The following PYCR3 variants were observed in gnomAD, a reference collection of about 807,000 sequenced individuals.
PYCR3 encodes pyrroline-5-carboxylate reductase 3.
Under a neutral mutation model 23.4 loss-of-function variants are expected in PYCR3, and 26 were observed. The ratio of observed to expected loss-of-function variants is 1.11; its 90% confidence interval spans 0.81 to 1.54. The LOEUF is 1.54. Among genes scored for constraint, PYCR3 ranks in the 40% most tolerant of loss-of-function variants. The probability of loss-of-function intolerance (pLI) is 0.00; values close to 1 mark genes in which losing one functional copy is unlikely to be tolerated. For synonymous variants in PYCR3, 194 were observed against 162.6 expected (o/e 1.19, Z -1.47); for missense variants, 360 against 376.3 (o/e 0.96, Z 0.36).
At chr8:143,607,711 C>A (rs1829442144) in intron 2 of PYCR3, among the ~76,000 whole-genome samples, 1 of 152,162 alleles carries the variant, frequency 6.6e-6, no homozygotes, top group Non-Finnish European at 1.5e-5. Flanking sequence ...CATACATGCA[C>A]TCACCACACG....
In PYCR3 at chr8:143,605,480, C is replaced by T. The variant is rs745607611; in HGVS notation, c.*220G>A. On this transcript the variant is annotated 3_prime_UTR_variant, in exon 6 of 6. Coordinates refer to ENST00000495276, the MANE Select transcript of PYCR3 (RefSeq NM_023078.6). ...GCAGCAAGGGGCAGAGCCACCACCA[C>T]GGTGCCTTCTGCTCACTGGGGAGGG... The T allele has an allele frequency of 9.1e-5, 51 of 560,362 alleles. No individual in the cohort carries two copies. Among genetic ancestry groups the T allele is most frequent in the East Asian group, 1.4e-4 (5 of 35,386 alleles). The allele number at this position is 560,362 out of a possible 1,614,324, so 34.7% of individuals were successfully genotyped here.
rs1829345228 is a variant in PYCR3 at position 143,604,750 on chromosome 8, T to C, written c.*950A>G. ...CAATCCTGGGGGTTTGCTTCTCCCC[T>C]GAGTCCTGGCTTTCCTGACCTGCCG... On this transcript the variant is annotated 3_prime_UTR_variant, in exon 6 of 6. Transcript: ENST00000495276. 1.0e-5 allele frequency: 4 copies of C among 398,032 alleles called. No homozygotes were observed. Among genetic ancestry groups the C allele is most frequent in the South Asian group, 7.1e-5 (4 of 56,662 alleles). 24.7% of individuals were successfully genotyped at this position (398,032 alleles called of 1,614,324 possible).
At position 143,603,552 on chromosome 8, in the gene PYCR3, G is replaced by A. The variant is rs989463288; in HGVS notation, c.*2148C>T. On this transcript the variant is annotated 3_prime_UTR_variant, in exon 6 of 6. Coordinates refer to ENST00000495276, the MANE Select transcript of PYCR3 (RefSeq NM_023078.6). ...ACCTAGTGCCCAGGGCTTGTCAGAG[G>A]TCCCAGGGGGAGACAGGTGTTGGTG... Among the ~76,000 whole-genome samples the A allele has an allele frequency of 2.6e-5, 4 of 152,200 alleles. No individual in the cohort carries two copies. The highest frequency in any genetic ancestry group is 9.7e-5 in the African/African-American group (4 of 41,444).
In PYCR3 at chr8:143,603,975, A is replaced by G. The variant is rs1159390892; in HGVS notation, c.*1725T>C. The G allele has an allele frequency of 6.6e-6, 1 of 151,684 alleles. No individual in the cohort carries two copies. The highest frequency in any genetic ancestry group is 1.5e-5 in the Non-Finnish European group (1 of 67,932). The allele number at this position is 151,684 out of a possible 1,614,324, so 9.4% of individuals were successfully genotyped here. ...AGTGGCATGATCTTGGCTCTCTGCA[A>G]TCTCCGCCTCCTGGATTCAAGCAAT... is the stretch of plus-strand genomic sequence containing the variant. On this transcript the variant is annotated 3_prime_UTR_variant, in exon 6 of 6. Transcript: ENST00000495276.
At position 143,607,138 on chromosome 8, in the gene PYCR3, C is replaced by G. The variant is rs1487024558; in HGVS notation, c.157-6G>C. The G allele has an allele frequency of 6.4e-7, 1 of 1,553,170 alleles. No homozygotes were observed. The highest frequency in any genetic ancestry group is 8.7e-7 in the Non-Finnish European group (1 of 1,147,482). On this transcript the variant is annotated splice_region_variant and splice_polypyrimidine_tract_variant and intron_variant, in intron 2 of 5. Transcript: ENST00000495276. Reference sequence around the variant, plus strand: ...GTGGTCCGGCAACCCAGAGCCTGCGCCAGGGACACCAGGACCAAGCCTCAG... The same window carrying G: ...GTGGTCCGGCAACCCAGAGCCTGCGGCAGGGACACCAGGACCAAGCCTCAG...
Position 143,605,787 on chromosome 8 carries a change from G to A in PYCR3, c.738C>T (p.His246=), listed in dbSNP as rs201683625. Residue 246 remains histidine (H), a synonymous_variant, in exon 6 of 6, where the codon CAC becomes CAT. Transcript: ENST00000495276. The part of the protein sequence containing the change: ...TPGGTTIYGL[H]ALEQGGLRAA... ...CTCGCAGCCCGCCCTGCTCCAGGGC[G>A]TGGAGTCCATAGATGGTGGTGCCAC... is the stretch of plus-strand genomic sequence containing the variant. 43 of 1,611,912 alleles carry A rather than the reference G, an allele frequency of 2.7e-5. No homozygotes were observed. Among genetic ancestry groups the A allele is most frequent in the East Asian group, 6.7e-5 (3 of 44,868 alleles).
At chr8:143,606,273 C>T (rs1377576822) in intron 4 of PYCR3, 119 bp from the exon 5 acceptor site, 5 of 1,154,550 alleles carry the variant, frequency 4.3e-6, no homozygotes, top group Non-Finnish European at 4.9e-6. Flanking sequence ...CTGAGCCCAA[C>T]GGTCTGCAAA....
In PYCR3 at chr8:143,606,776, G is replaced by C. The variant is rs540448492; in HGVS notation, c.337-97C>G. On this transcript the variant is annotated intron_variant, in intron 3 of 5. Coordinates refer to ENST00000495276, the MANE Select transcript of PYCR3 (RefSeq NM_023078.6). ...TCAGGAAAGGTCCACGTCAGCTCGC[G>C]GTGGGCTCCAGCGTCTGCCTCCCAG... 4 of 1,372,620 alleles carry C rather than the reference G, an allele frequency of 2.9e-6. No homozygotes were observed. The African/African-American group carries it at 5.9e-5, about 20-fold the overall frequency. 85.0% of individuals were successfully genotyped at this position (1,372,620 alleles called of 1,614,324 possible). A position where few individuals can be genotyped will look rare whatever the true frequency, so the allele number is the denominator to read the frequency against.
In PYCR3 at chr8:143,609,532, G is replaced by A. The variant is rs769997932; in HGVS notation, c.17C>T (p.Pro6Leu). Residue 6 changes from proline to leucine, a missense_variant, in exon 1 of 6, where the codon CCG (proline) becomes CTG (leucine). Coordinates refer to ENST00000495276, the MANE Select transcript of PYCR3 (RefSeq NM_023078.6). ...CACGAAGCCCACGCGCCGCGGAGAC[G>A]GCTCCGCAGCTGCCATCTTGTTGCC... is the stretch of plus-strand genomic sequence containing the variant. MAAAE[P>L]SPRRVGFVGA... 1.3e-6 allele frequency: 2 copies of A among 1,511,844 alleles called. No homozygotes were observed. The highest frequency in any genetic ancestry group is 8.8e-7 in the Non-Finnish European group (1 of 1,137,818). 93.7% of individuals were successfully genotyped at this position (1,511,844 alleles called of 1,614,324 possible).
chr8:143,605,976 C>T, intron 5 of PYCR3, 86 bp downstream of exon 5: 1 of 1,557,014 alleles, frequency 6.4e-7, no homozygotes, highest in Non-Finnish European at 8.8e-7. Flanking sequence ...TTGGCCCCAG[C>T]TTCTCGAGCC....
At chr8:143,609,351 A>C (rs1006683869) in intron 1 of PYCR3, 107 bp downstream of exon 1, 17 of 1,246,544 alleles carry the variant, frequency 1.4e-5, no homozygotes, top group Non-Finnish European at 1.6e-5. Context: ...AGCGGAGCGG[A>C]GACCCGGTTG....
intron 5 of PYCR3, 57 bp from the exon 6 acceptor site, chr8:143,605,939 G>A (rs1019503691): frequency 1.8e-5 from 28 of 1,571,618 alleles, no homozygotes; most frequent in Non-Finnish European, 2.3e-5. Context: ...CCCACTGTGC[G>A]GCCTGCCCTC....
In PYCR3 at chr8:143,603,899, CTTT is replaced by C; in HGVS notation, c.*1798_*1800del. 2.5e-5 allele frequency: 1 copy of C among 40,516 alleles called. No individual in the cohort carries two copies. The highest frequency in any genetic ancestry group is 7.3e-5 in the Non-Finnish European group (1 of 13,688). 2.5% of individuals were successfully genotyped at this position (40,516 alleles called of 1,614,324 possible). Reference sequence around the variant, plus strand: ...ACTTATGGGGCAGGCATTGGACCTTCTTTTTTTTTTTTTCCAAGACAGAGTCTT... The same window carrying C: ...ACTTATGGGGCAGGCATTGGACCTTCTTTTTTTTTTCCAAGACAGAGTCTT... On this transcript the variant is annotated 3_prime_UTR_variant, in exon 6 of 6. Transcript: ENST00000495276.
At chr8:143,606,802 G>T in intron 3 of PYCR3, 123 bp from the exon 4 acceptor site, 3 of 1,327,282 alleles carry the variant, frequency 2.3e-6, no homozygotes, top group Non-Finnish European at 3.1e-6. Flanking sequence ...TGCCTCCCAG[G>T]TACAGCACCA....
chr8:143,607,219 C>G, intron 2 of PYCR3, 87 bp from the exon 3 acceptor site: 1 of 1,299,910 alleles, frequency 7.7e-7, no homozygotes, highest in Non-Finnish European at 1.0e-6. Flanking sequence ...GGATGCCACA[C>G]GTTCCCATGG....
At chr8:143,607,449 C>T (rs566557159) in intron 2 of PYCR3, among the ~76,000 whole-genome samples, 19 of 152,288 alleles carry the variant, frequency 1.2e-4, no homozygotes, top group Non-Finnish European at 2.1e-4. Flanking sequence ...TATACACACA[C>T]GCAGACACAT....
rs1829304391 is a variant in PYCR3 at position 143,603,438 on chromosome 8, C to T, written c.*2262G>A. Among the ~76,000 whole-genome samples, 1 of 152,180 alleles carries T rather than the reference C, an allele frequency of 6.6e-6. No individual in the cohort carries two copies. The highest frequency in any genetic ancestry group is 1.5e-5 in the Non-Finnish European group (1 of 68,026). On this transcript the variant is annotated 3_prime_UTR_variant, in exon 6 of 6. Coordinates refer to ENST00000495276, the MANE Select transcript of PYCR3 (RefSeq NM_023078.6). ...CTCACCACAACGCTCCCTGCCGTGCCGAGAACTGAGCCCGTGTCTTTGTCA... is the reference window on the plus strand; with the variant it reads ...CTCACCACAACGCTCCCTGCCGTGCTGAGAACTGAGCCCGTGTCTTTGTCA...
At chr8:143,607,264 AC>A in intron 2 of PYCR3, 132 bp from the exon 3 acceptor site, 2 of 844,474 alleles carry the variant, frequency 2.4e-6, no homozygotes, top group Non-Finnish European at 1.7e-6. Flanking sequence ...TGTCTAGACC[AC>A]CCCGACTTCT....
At chr8:143,607,946 C>G (rs1829449352) in intron 2 of PYCR3, 116 bp downstream of exon 2, 2 of 786,414 alleles carry the variant, frequency 2.5e-6, no homozygotes, top group Admixed American at 4.9e-5. Flanking sequence ...AGCCAGTCTG[C>G]AAACTTCAGC....
Sources: gnomAD v4.1 joint callset for allele counts (sites outside exome capture counted in the v4.1 genomes callset) on GRCh38, gnomAD v4.1.1 for gene constraint, MANE v1.5 for transcripts, NCBI Gene and HGNC (gene_info 2026-07-23, HGNC 2026-07-21) for gene names.